MDGA2: variants seen among roughly 807,000 people sequenced by gnomAD.
MDGA2 encodes MAM domain-containing glycosylphosphatidylinositol anchor protein 2.
In MDGA2, 40 loss-of-function variants were observed where a neutral mutation model predicts 117.8. That is an observed-to-expected ratio of 0.34 (90% CI 0.26 to 0.44). MDGA2 has a LOEUF of 0.44. Among genes scored for constraint, MDGA2 ranks in the 20% least tolerant of loss-of-function variants. The pLI, the probability that MDGA2 is intolerant of heterozygous loss-of-function variation, is 1.00. For synonymous variants in MDGA2, 452 were observed against 439.0 expected (o/e 1.03, Z -0.37); for missense variants, 1,123 against 1,250.6 (o/e 0.90, Z 1.54).
At chr14:47,480,719 C>T (rs925145363) in intron 1 of MDGA2, among the ~76,000 whole-genome samples, 4 of 151,852 alleles carry the variant, frequency 2.6e-5, no homozygotes, top group African/African-American at 9.7e-5. Flanking sequence ...TTAAATACCT[C>T]TAGTGGCTTC....
intron 6 of MDGA2, among the ~76,000 whole-genome samples, chr14:47,086,643 T>A (rs1413366995): frequency 6.6e-6 from 1 of 152,116 alleles, no homozygotes; most frequent in Admixed American, 6.5e-5. Flanking sequence ...TTATCAATAG[T>A]TTCTAATACT....
chr14:47,254,269 T>G (rs1251062491), intron 2 of MDGA2, among the ~76,000 whole-genome samples: 1 of 152,228 alleles, frequency 6.6e-6, no homozygotes, highest in African/African-American at 2.4e-5. Flanking sequence ...AAAATTGGTT[T>G]TTATTTTCTA....
intron 9 of MDGA2, among the ~76,000 whole-genome samples, chr14:46,930,625 G>C (rs1566530933): frequency 6.6e-6 from 1 of 152,088 alleles, no homozygotes; most frequent in Non-Finnish European, 1.5e-5. Context: ...CTTGAAATGA[G>C]AAAGAGTTAA....
chr14:47,062,964 T>C (rs1293938312), intron 6 of MDGA2, among the ~76,000 whole-genome samples: 1 of 152,032 alleles, frequency 6.6e-6, no homozygotes, highest in Non-Finnish European at 1.5e-5. Context: ...ATTTAAGATA[T>C]ATTTGAAGGG....
intron 1 of MDGA2, among the ~76,000 whole-genome samples, chr14:47,608,243 A>G (rs1187212132): frequency 6.6e-6 from 1 of 152,146 alleles, no homozygotes; most frequent in Non-Finnish European, 1.5e-5. Context: ...TTCCTCGTGA[A>G]TTGCGCATCT....
chr14:47,353,471 A>G (rs1450392820), intron 1 of MDGA2, among the ~76,000 whole-genome samples: 1 of 152,192 alleles, frequency 6.6e-6, no homozygotes, highest in African/African-American at 2.4e-5. Context: ...GTGTTCTCTC[A>G]AAATTTGTAT....
At chr14:47,173,444 G>A (rs149925169) in intron 3 of MDGA2, among the ~76,000 whole-genome samples, 44,549 of 152,054 alleles carry the variant, frequency 0.29, 7,005 homozygotes, top group South Asian at 0.49. Context: ...GACTAACAGC[G>A]GATCTCTCGG....
intron 7 of MDGA2, among the ~76,000 whole-genome samples, chr14:47,053,759 G>GA (rs545561680): frequency 1.7e-3 from 261 of 151,312 alleles, no homozygotes; most frequent in African/African-American, 4.7e-3. Flanking sequence ...GTATACAAGA[G>GA]AAACATATTT....
chr14:47,121,853 CAA>C (rs1015941399), intron 5 of MDGA2, among the ~76,000 whole-genome samples: 1 of 151,982 alleles, frequency 6.6e-6, no homozygotes, highest in Non-Finnish European at 1.5e-5. Context: ...CAAATATTTG[CAA>C]AGAGTCACTC....
chr14:47,278,294 T>C lies in MDGA2; in HGVS notation c.420+23117A>G, dbSNP rs1158728871. Among the ~76,000 whole-genome samples, 3 of 152,180 alleles carry C rather than the reference T, an allele frequency of 2.0e-5. No homozygotes were observed. The East Asian group carries it at 5.8e-4, about 29-fold the overall frequency. Reference sequence around the variant, plus strand: ...TTTAAATTTTTTTCAATTTTATTTTTAAATTGACAAATAATAATTTTACAT... The same window carrying C: ...TTTAAATTTTTTTCAATTTTATTTTCAAATTGACAAATAATAATTTTACAT... On this transcript the variant is annotated intron_variant, in intron 2 of 16. Transcript: ENST00000399232.
At chr14:47,371,732 A>G (rs1395092170) in intron 1 of MDGA2, among the ~76,000 whole-genome samples, 1 of 151,756 alleles carries the variant, frequency 6.6e-6, no homozygotes, top group Non-Finnish European at 1.5e-5. Flanking sequence ...AGAAAATAAG[A>G]AACACCAAGA....
intron 2 of MDGA2, among the ~76,000 whole-genome samples, chr14:47,271,162 G>GC (rs1178138119): frequency 1.3e-5 from 2 of 152,088 alleles, no homozygotes; most frequent in Non-Finnish European, 2.9e-5. Flanking sequence ...AACCTTTCCT[G>GC]CCCCCAAAGT....
rs192301230 is a variant in MDGA2, at chr14:47,551,908, A to G, written c.280+122609T>C. ...AGGAAATTAATATATGTGAAAGAGG[A>G]AAGTGAAAAACAGTAGGAGAAATAA... is the stretch of plus-strand genomic sequence containing the variant. On this transcript the variant is annotated intron_variant, in intron 1 of 16. Transcript: ENST00000399232. Among the ~76,000 whole-genome samples the G allele has an allele frequency of 2.1e-3, 316 of 152,294 alleles. 1 individual carries two copies. The highest frequency in any genetic ancestry group is 8.4e-3 in the Admixed American group (128 of 15,298).
At chr14:46,956,244 C>T (rs1885557720) in intron 9 of MDGA2, among the ~76,000 whole-genome samples, 1 of 151,852 alleles carries the variant, frequency 6.6e-6, no homozygotes, top group African/African-American at 2.4e-5. Context: ...TTTTTTACTA[C>T]CATGAACATT....
intron 2 of MDGA2, among the ~76,000 whole-genome samples, chr14:47,282,608 G>A (rs537547396): frequency 7.9e-5 from 12 of 151,992 alleles, no homozygotes; most frequent in African/African-American, 2.9e-4. Flanking sequence ...TGAGGCAGGA[G>A]AATGGAGTGA....
intron 1 of MDGA2, among the ~76,000 whole-genome samples, chr14:47,320,114 C>G (rs1007164325): frequency 2.0e-5 from 3 of 152,148 alleles, no homozygotes; most frequent in African/African-American, 7.2e-5. Flanking sequence ...ACCCTGTGGA[C>G]ACCTTGATCT....
chr14:47,601,763 A>G (rs898101692), intron 1 of MDGA2, among the ~76,000 whole-genome samples: 2 of 152,178 alleles, frequency 1.3e-5, no homozygotes, highest in African/African-American at 4.8e-5. Context: ...TTTTAGCTAC[A>G]TCAGTGAATA....
chr14:47,544,246 C>T lies in MDGA2; in HGVS notation c.280+130271G>A, dbSNP rs141451625. Among the ~76,000 whole-genome samples, 70 of 152,164 alleles carry T rather than the reference C, an allele frequency of 4.6e-4. No individual in the cohort carries two copies. The East Asian group carries it at 0.012, about 25-fold the overall frequency. On this transcript the variant is annotated intron_variant, in intron 1 of 16. Transcript: ENST00000399232. ...TCATGAGACTACGTGTGTAAGCTCC[C>T]TGATTTTTAAAAAAACCATTAGCAG...
chr14:47,010,365 A>G (rs1360398256), intron 8 of MDGA2, among the ~76,000 whole-genome samples: 1 of 152,032 alleles, frequency 6.6e-6, no homozygotes, highest in East Asian at 1.9e-4. Flanking sequence ...ATATAAAAAA[A>G]TAACATAAAA....
Sources: gnomAD v4.1 joint callset for allele counts (sites outside exome capture counted in the v4.1 genomes callset) on GRCh38, gnomAD v4.1.1 for gene constraint, MANE v1.5 for transcripts, NCBI Gene and HGNC (gene_info 2026-07-23, HGNC 2026-07-21) for gene names.